FGF13: variants seen among roughly 807,000 people sequenced by gnomAD.
The protein encoded by FGF13 is fibroblast growth factor 13, also known as fibroblast growth factor homologous factor 2.
In FGF13, 2 loss-of-function variants were observed where a neutral mutation model predicts 19.5. The observed-to-expected ratio is 0.10, with a 90% CI of 0.04 to 0.32. The LOEUF is 0.32. Among genes scored for constraint, FGF13 ranks in the 10% least tolerant of loss-of-function variants. The pLI, the probability that FGF13 is intolerant of heterozygous loss-of-function variation, is 1.00. For missense variants in FGF13, 113 were observed against 192.7 expected (o/e 0.59, Z 2.45); for synonymous variants, 72 against 76.9 (o/e 0.94, Z 0.33).
chrX:138,925,665 A>G (rs2091669437), intron 1 of FGF13, among the ~76,000 whole-genome samples: 1 of 110,972 alleles, frequency 9.0e-6, no homozygotes, highest in African/African-American at 3.3e-5. Context: ...TCACTAATAA[A>G]TTCAAAACTT....
rs1318480380 is a variant in FGF13, at chrX:138,622,579, C to G, written c.*10271G>C. The G allele has an allele frequency of 8.9e-6, 1 of 112,134 alleles. No homozygotes were observed. Among genetic ancestry groups the G allele is most frequent in the Non-Finnish European group, 1.9e-5 (1 of 53,205 alleles). 9.2% of individuals were successfully genotyped at this position (112,134 alleles called of 1,213,427 possible). ...GCTCACTCTTGCCACTTCTATTCCA[C>G]ATGGTACTTGAAGTTCTGCTTAGAG... On this transcript the variant is annotated 3_prime_UTR_variant, in exon 5 of 5. Coordinates refer to ENST00000315930, the MANE Select transcript of FGF13 (RefSeq NM_004114.5).
intron 1 of FGF13, among the ~76,000 whole-genome samples, chrX:138,721,743 T>C (rs935257386): frequency 9.1e-6 from 1 of 110,179 alleles, no homozygotes; most frequent in Non-Finnish European, 1.9e-5. Context: ...ATACTATATA[T>C]TATACAATAA....
rs1317473047 is a variant in FGF13 at position 138,762,041 on chromosome X, C to T, written c.218-53113G>A. On this transcript the variant is annotated intron_variant, in intron 3 of 6. Coordinates refer to the FGF13 transcript ENST00000436198. ...TATAGTGGCCACTTTCTATATGTGA[C>T]CATTGATAATTAAGTGTATCTAGTG... is the stretch of plus-strand genomic sequence containing the variant. Among the ~76,000 whole-genome samples, 3 of 108,866 alleles carry T rather than the reference C, an allele frequency of 2.8e-5. No individual in the cohort carries two copies. The Admixed American group carries it at 3.0e-4, about 11-fold the overall frequency. 94.5% of individuals were successfully genotyped at this position (108,866 alleles called of 115,157 possible).
chrX:138,820,597 G>A (rs768560454), intron 3 of FGF13, among the ~76,000 whole-genome samples: 3 of 111,928 alleles, frequency 2.7e-5, no homozygotes, highest in South Asian at 3.7e-4. Context: ...TTTGGCTCAC[G>A]GGCTATAGTT....
intron 1 of FGF13, among the ~76,000 whole-genome samples, chrX:138,972,791 G>A (rs1329513549): frequency 9.0e-6 from 1 of 111,673 alleles, no homozygotes; most frequent in Non-Finnish European, 1.9e-5. Context: ...ATGCCTGCTA[G>A]CCACTTGTAT....
upstream of FGF13, among the ~76,000 whole-genome samples, chrX:138,743,137 A>C (rs1050873385): frequency 8.9e-6 from 1 of 112,293 alleles, no homozygotes; most frequent in African/African-American, 3.2e-5. Flanking sequence ...ACTTAGAAGC[A>C]ACCAAGATGT....
chrX:139,105,710 T>C (rs2083554682), intron 1 of FGF13, among the ~76,000 whole-genome samples: 1 of 112,515 alleles, frequency 8.9e-6, no homozygotes, highest in Non-Finnish European at 1.9e-5. Flanking sequence ...TATTCACTAT[T>C]TATTTAGTAG....
intron 1 of FGF13, among the ~76,000 whole-genome samples, chrX:138,963,248 A>G (rs112689704): frequency 8.8e-6 from 1 of 113,213 alleles, no homozygotes; most frequent in African/African-American, 3.2e-5. Flanking sequence ...CCATTCCCAC[A>G]GGTGGACAGC....
At chrX:138,777,910 TG>T (rs1245538532) in intron 3 of FGF13, among the ~76,000 whole-genome samples, 1 of 105,992 alleles carries the variant, frequency 9.4e-6, no homozygotes, top group African/African-American at 3.5e-5. Flanking sequence ...AAAACATAAA[TG>T]AAAAAAAAAA....
chrX:138,785,325 T>A (rs1225894958), intron 3 of FGF13, among the ~76,000 whole-genome samples: 1 of 111,745 alleles, frequency 8.9e-6, no homozygotes, highest in Non-Finnish European at 1.9e-5. Context: ...ATTTATCAAA[T>A]ATCTTAACTC....
intron 1 of FGF13, among the ~76,000 whole-genome samples, chrX:139,169,156 T>C (rs1031450196): frequency 8.9e-6 from 1 of 112,074 alleles, no homozygotes; most frequent in African/African-American, 3.2e-5. Context: ...ATTAGGGAAG[T>C]TGTGCAAGGT....
At chrX:139,045,375 G>A (rs934091863) in intron 1 of FGF13, among the ~76,000 whole-genome samples, 8 of 112,195 alleles carry the variant, frequency 7.1e-5, no homozygotes, top group African/African-American at 2.6e-4. Context: ...GTGCCTTTGA[G>A]GCCTTTTCCC....
intron 1 of FGF13, among the ~76,000 whole-genome samples, chrX:139,199,107 C>T (rs1052601054): frequency 8.9e-6 from 1 of 112,567 alleles, no homozygotes; most frequent in Non-Finnish European, 1.9e-5. Context: ...GCTGATATAT[C>T]ATGGTGATGA....
intron 1 of FGF13, chrX:138,739,142 G>T (rs1325924282): frequency 2.1e-5 from 11 of 522,010 alleles, no homozygotes; most frequent in Non-Finnish European, 3.6e-5. Flanking sequence ...TCAGCAGAAA[G>T]ATCCCTGGTA....
At chrX:139,169,649 T>A in intron 1 of FGF13, among the ~76,000 whole-genome samples, 1 of 110,831 alleles carries the variant, frequency 9.0e-6, no homozygotes, top group East Asian at 2.8e-4. Flanking sequence ...AACCCAGAAA[T>A]TCCTTTCATG....
At chrX:139,014,456 G>A (rs985713438) in intron 1 of FGF13, among the ~76,000 whole-genome samples, 11 of 111,431 alleles carry the variant, frequency 9.9e-5, no homozygotes, top group Non-Finnish European at 1.9e-4. Context: ...TTACTACTAT[G>A]AGCAACTATA....
chrX:138,844,793 T>C (rs773189434), intron 3 of FGF13, among the ~76,000 whole-genome samples: 5 of 111,248 alleles, frequency 4.5e-5, no homozygotes, highest in African/African-American at 9.8e-5. Flanking sequence ...TCTGCTTTCA[T>C]GGTTTTAATA....
intron 3 of FGF13, among the ~76,000 whole-genome samples, chrX:138,694,986 AACACAC>A (rs745359063): frequency 0.13 from 10,961 of 84,594 alleles, 559 homozygotes; most frequent in Middle Eastern, 0.18. Context: ...TACTAGTTGA[AACACAC>A]ACACACACAC....
chrX:138,811,945 T>G (rs867739895), intron 3 of FGF13, among the ~76,000 whole-genome samples: 5 of 102,138 alleles, frequency 4.9e-5, no homozygotes, highest in Non-Finnish European at 1.0e-4. Flanking sequence ...AACCACTTTC[T>G]TTTTTTTTTT....
Sources: gnomAD v4.1 joint callset for allele counts (sites outside exome capture counted in the v4.1 genomes callset) on GRCh38, gnomAD v4.1.1 for gene constraint, MANE v1.5 for transcripts, NCBI Gene and HGNC (gene_info 2026-07-23, HGNC 2026-07-21) for gene names.